ARHGAP24: variants seen among roughly 807,000 people sequenced by gnomAD.
The protein encoded by ARHGAP24 is Rho GTPase activating protein 24.
A neutral mutation model predicts 76.4 loss-of-function variants in ARHGAP24; 50 were observed. The ratio of observed to expected loss-of-function variants is 0.65; its 90% confidence interval spans 0.52 to 0.83. ARHGAP24 has a LOEUF of 0.83. ARHGAP24 is among the 40% of genes least tolerant of loss of function. ARHGAP24 has a pLI of 0.00. For synonymous variants in ARHGAP24, 345 were observed against 323.3 expected, an observed-to-expected ratio of 1.07 and a Z score of -0.72; for missense variants, 930 against 914.2, an observed-to-expected ratio of 1.02 and a Z score of -0.22.
chr4:85,889,459 A>G (rs915243347), intron 3 of ARHGAP24, among the ~76,000 whole-genome samples: 1 of 152,198 alleles, frequency 6.6e-6, no homozygotes, highest in Non-Finnish European at 1.5e-5. Context: ...AGCTGTTATT[A>G]TTTCCTTTTT....
Position 85,627,683 on chromosome 4 carries a change from G to A in ARHGAP24, c.180+56962G>A, listed in dbSNP as rs897654851. ...GCCCCCAGAAGTGGAGCCTACAGAC[G>A]CAGGCAGGCCTCCTTGAGCTGTGGT... On this transcript the variant is annotated intron_variant, in intron 2 of 9. Transcript: ENST00000395184. Among the ~76,000 whole-genome samples the A allele has an allele frequency of 2.3e-4, 35 of 152,330 alleles. 1 individual carries two copies. The highest frequency in any genetic ancestry group is 6.8e-3 in the Middle Eastern group (2 of 294).
chr4:85,901,871 A>G (rs753837272), intron 3 of ARHGAP24, among the ~76,000 whole-genome samples: 2 of 151,608 alleles, frequency 1.3e-5, no homozygotes, highest in African/African-American at 4.9e-5. Context: ...GGTTTGTTGC[A>G]TAGGTATACA....
At chr4:85,757,156 A>T (rs1029250456) in intron 3 of ARHGAP24, among the ~76,000 whole-genome samples, 1 of 150,676 alleles carries the variant, frequency 6.6e-6, no homozygotes, top group African/African-American at 2.4e-5. Context: ...TGATTGGAAC[A>T]CTGGGGGATA....
At chr4:85,606,467 C>T (rs1049340649) in intron 2 of ARHGAP24, among the ~76,000 whole-genome samples, 2 of 150,880 alleles carry the variant, frequency 1.3e-5, no homozygotes, top group African/African-American at 4.9e-5. Flanking sequence ...GAGCCGAGAT[C>T]GGGCCACTGC....
At chr4:85,529,917 T>C (rs1292230470) in intron 1 of ARHGAP24, among the ~76,000 whole-genome samples, 3 of 152,010 alleles carry the variant, frequency 2.0e-5, no homozygotes, top group African/African-American at 7.2e-5. Context: ...AAAAACTCTT[T>C]TCATTTTATT....
intron 2 of ARHGAP24, among the ~76,000 whole-genome samples, chr4:85,639,703 TAAA>T (rs3028175): frequency 6.8e-6 from 1 of 146,826 alleles, no homozygotes; most frequent in Non-Finnish European, 1.5e-5. Flanking sequence ...GAATAATTGG[TAAA>T]AAAAAAAAAA....
At chr4:85,723,987 A>C (rs1188536203) in intron 3 of ARHGAP24, among the ~76,000 whole-genome samples, 1 of 152,112 alleles carries the variant, frequency 6.6e-6, no homozygotes, top group Non-Finnish European at 1.5e-5. Context: ...AATATTTTTC[A>C]ATTTTTTCAA....
intron 4 of ARHGAP24, among the ~76,000 whole-genome samples, chr4:85,936,317 G>T (rs1020283470): frequency 6.6e-6 from 1 of 152,278 alleles, no homozygotes; most frequent in South Asian, 2.1e-4. Context: ...GGGAGGTAAA[G>T]TGTTTTATTT....
intron 3 of ARHGAP24, among the ~76,000 whole-genome samples, chr4:85,761,948 C>T (rs1356849699): frequency 6.6e-6 from 1 of 152,210 alleles, no homozygotes; most frequent in Non-Finnish European, 1.5e-5. Flanking sequence ...TTATGATCAA[C>T]AGTCCTATTT....
chr4:85,564,973 C>A lies in ARHGAP24; in HGVS notation c.-20-5549C>A, dbSNP rs866627275. ...ATATATATATATATATATATATACC[C>A]ACACCCACCATACACCCACACATAC... is the stretch of plus-strand genomic sequence containing the variant. On this transcript the variant is annotated intron_variant, in intron 1 of 9. Coordinates refer to ENST00000395184, the MANE Select transcript of ARHGAP24 (RefSeq NM_001025616.3). 3.2e-4 allele frequency among the ~76,000 whole-genome samples: 39 copies of A among 120,790 alleles called. 1 individual carries two copies. Among genetic ancestry groups the A allele is most frequent in the Middle Eastern group, 4.3e-3 (1 of 230 alleles). 79.2% of individuals were successfully genotyped at this position (120,790 alleles called of 152,430 possible). A position where few individuals can be genotyped will look rare whatever the true frequency, so the allele number is the denominator to read the frequency against.
chr4:85,621,451 A>C (rs1720716648), intron 2 of ARHGAP24, among the ~76,000 whole-genome samples: 1 of 152,094 alleles, frequency 6.6e-6, no homozygotes, highest in Non-Finnish European at 1.5e-5. Flanking sequence ...ACTTTTTAAT[A>C]ACAGCCATTT....
At chr4:85,664,566 G>A (rs1210757518) in intron 2 of ARHGAP24, among the ~76,000 whole-genome samples, 1 of 150,456 alleles carries the variant, frequency 6.6e-6, no homozygotes, top group African/African-American at 2.5e-5. Flanking sequence ...TTTTGAATGT[G>A]TTTGCTCTTG....
intron 3 of ARHGAP24, among the ~76,000 whole-genome samples, chr4:85,907,099 T>A (rs1033634922): frequency 6.6e-5 from 10 of 152,170 alleles, no homozygotes; most frequent in African/African-American, 2.4e-4. Context: ...CATCTAGCTA[T>A]GAAATAAGGA....
chr4:85,698,872 A>G (rs1723967098), intron 2 of ARHGAP24, among the ~76,000 whole-genome samples: 1 of 152,186 alleles, frequency 6.6e-6, no homozygotes. Flanking sequence ...TCATGAGGGT[A>G]GGTCCCTCAT....
At chr4:85,564,473 A>T (rs536126452) in intron 1 of ARHGAP24, among the ~76,000 whole-genome samples, 154 of 151,856 alleles carry the variant, frequency 1.0e-3, no homozygotes, top group Admixed American at 1.8e-3. Flanking sequence ...GCACACCAAC[A>T]TGGCACATGT....
At chr4:85,675,184 G>A (rs1324839196) in intron 2 of ARHGAP24, among the ~76,000 whole-genome samples, 1 of 152,200 alleles carries the variant, frequency 6.6e-6, no homozygotes, top group Non-Finnish European at 1.5e-5. Flanking sequence ...GGCCAATTAT[G>A]TAAGTGAGAA....
chr4:85,896,890 A>G (rs1734208624), intron 3 of ARHGAP24, among the ~76,000 whole-genome samples: 1 of 152,190 alleles, frequency 6.6e-6, no homozygotes, highest in South Asian at 2.1e-4. Context: ...AGTAGAGCAC[A>G]TATTTATACC....
intron 2 of ARHGAP24, among the ~76,000 whole-genome samples, chr4:85,607,588 A>G (rs1168646234): frequency 6.6e-6 from 1 of 151,872 alleles, no homozygotes; most frequent in African/African-American, 2.4e-5. Context: ...GCATTTAGCT[A>G]TATTCACATA....
At position 85,973,399 on chromosome 4, in the gene ARHGAP24, T is replaced by C. The variant is rs367814586; in HGVS notation, c.732+1231T>C. On this transcript the variant is annotated intron_variant, in intron 6 of 9. Transcript: ENST00000395184. ...TTATTTGCCTTATTATTAATAGTAT[T>C]GAGTTGTAAGAGTTTATATAGTTTA... 1.4e-4 allele frequency among the ~76,000 whole-genome samples: 22 copies of C among 152,318 alleles called. 1 individual carries two copies. In the South Asian group the frequency reaches 4.6e-3, roughly 32 times the overall value.
Sources: allele counts gnomAD v4.1 joint callset (sites outside exome capture counted in the v4.1 genomes callset), GRCh38; gene constraint gnomAD v4.1.1; transcripts MANE v1.5; gene names NCBI Gene and HGNC (gene_info 2026-07-23, HGNC 2026-07-21).